Variants in TMEM117 observed in about 807,000 individuals in gnomAD.
The protein encoded by TMEM117 is transmembrane protein 117.
In TMEM117, 27 loss-of-function variants were observed where a neutral mutation model predicts 52.4. That is an observed-to-expected ratio of 0.51 (90% CI 0.38 to 0.71). The LOEUF (loss-of-function observed/expected upper bound fraction) is 0.71. Ranked by LOEUF, TMEM117 falls within the 30% of genes least tolerant of loss-of-function variation. TMEM117 has a pLI of 0.00. For synonymous variants in TMEM117, 215 were observed against 206.3 expected, an observed-to-expected ratio of 1.04 and a Z score of -0.36; for missense variants, 556 against 630.5, an observed-to-expected ratio of 0.88 and a Z score of 1.26.
At chr12:44,031,018 T>C (rs1379672812) in intron 3 of TMEM117, among the ~76,000 whole-genome samples, 1 of 152,196 alleles carries the variant, frequency 6.6e-6, no homozygotes, top group Admixed American at 6.5e-5. Flanking sequence ...AATCTTACCT[T>C]AGGGTCAAAC....
intron 5 of TMEM117, among the ~76,000 whole-genome samples, chr12:44,228,694 G>A (rs1949895376): frequency 6.6e-6 from 1 of 152,082 alleles, no homozygotes; most frequent in South Asian, 2.1e-4. Context: ...CATCCCAAGT[G>A]CAGTATATAG....
At chr12:43,988,901 C>G (rs1945892153) in intron 3 of TMEM117, among the ~76,000 whole-genome samples, 1 of 152,038 alleles carries the variant, frequency 6.6e-6, no homozygotes, top group African/African-American at 2.4e-5. Context: ...TTATAAGCAC[C>G]TTTTCCTTAT....
intron 2 of TMEM117, among the ~76,000 whole-genome samples, chr12:43,914,991 C>T (rs1256699344): frequency 2.0e-5 from 3 of 152,020 alleles, no homozygotes; most frequent in African/African-American, 7.3e-5. Flanking sequence ...CTTGATTTAC[C>T]CAAGAACCCC....
chr12:44,082,267 AT>A (rs895186726), intron 3 of TMEM117, among the ~76,000 whole-genome samples: 37 of 152,030 alleles, frequency 2.4e-4, no homozygotes, highest in African/African-American at 7.9e-4. Flanking sequence ...AATTTTATGG[AT>A]TTCTTAGTCC....
At chr12:44,022,432 G>A (rs984689255) in intron 3 of TMEM117, among the ~76,000 whole-genome samples, 29 of 152,262 alleles carry the variant, frequency 1.9e-4, no homozygotes, top group African/African-American at 5.8e-4. Flanking sequence ...TGTTTTAACC[G>A]TCAAATGAGG....
intron 3 of TMEM117, among the ~76,000 whole-genome samples, chr12:44,050,551 T>A (rs967555450): frequency 6.6e-6 from 1 of 152,220 alleles, no homozygotes; most frequent in Non-Finnish European, 1.5e-5. Context: ...GAAGTTGATA[T>A]GGAGATGAAT....
At chr12:43,800,974 A>G in the TMEM117 span, among the ~76,000 whole-genome samples, 1 of 151,540 alleles carries the variant, frequency 6.6e-6, no homozygotes, top group African/African-American at 2.4e-5. Context: ...CTGGTCTCAA[A>G]CTCCTGACCT....
chr12:44,118,501 T>C (rs1394781338), intron 3 of TMEM117, among the ~76,000 whole-genome samples: 1 of 152,188 alleles, frequency 6.6e-6, no homozygotes, highest in Non-Finnish European at 1.5e-5. Context: ...GGAACAGCAA[T>C]TGTATAATAA....
At chr12:44,137,234 A>G (rs574713793) in intron 3 of TMEM117, among the ~76,000 whole-genome samples, 27 of 152,252 alleles carry the variant, frequency 1.8e-4, no homozygotes, top group African/African-American at 6.5e-4. Context: ...TATTATGACA[A>G]CACTAGGGAA....
intron 3 of TMEM117, among the ~76,000 whole-genome samples, chr12:43,970,108 T>A (rs1945556572): frequency 1.3e-5 from 2 of 152,114 alleles, no homozygotes; most frequent in South Asian, 4.2e-4. Context: ...GTTCAGCATA[T>A]CCACATTGGA....
At chr12:44,357,216 A>G (rs1046988943) in intron 6 of TMEM117, among the ~76,000 whole-genome samples, 1 of 152,104 alleles carries the variant, frequency 6.6e-6, no homozygotes, top group Non-Finnish European at 1.5e-5. Context: ...AGGGGCAGAA[A>G]TAGTTTCTCC....
At chr12:43,928,829 G>C (rs945366099) in intron 2 of TMEM117, among the ~76,000 whole-genome samples, 1 of 149,384 alleles carries the variant, frequency 6.7e-6, no homozygotes, top group African/African-American at 2.5e-5. Context: ...CCACCTATGA[G>C]TGAGAATATG....
Position 44,306,488 on chromosome 12 carries a change from A to G in TMEM117, c.768+6749A>G, listed in dbSNP as rs541893135. On this transcript the variant is annotated intron_variant, in intron 6 of 7. Transcript: ENST00000266534. ...GAATAGAGGAGAGACTATTAAAAAA[A>G]GAAAGTTTCAAAGATCAAGTTTTGG... Among the ~76,000 whole-genome samples, 10 of 152,344 alleles carry G rather than the reference A, an allele frequency of 6.6e-5. No homozygotes were observed. In the East Asian group the frequency reaches 1.3e-3, roughly 21 times the overall value.
In TMEM117 at chr12:44,117,901, A is replaced by T. The variant is rs1948172105; in HGVS notation, c.411-25624A>T. 2.0e-5 allele frequency among the ~76,000 whole-genome samples: 3 copies of T among 152,152 alleles called. No individual in the cohort carries two copies. The South Asian group carries it at 6.2e-4, about 32-fold the overall frequency. On this transcript the variant is annotated intron_variant, in intron 3 of 7. Transcript: ENST00000266534. Reference sequence around the variant, plus strand: ...CTTTGTGTTACCAATTTATTGAGATATATGGACTATCAATTGTTTTGTTTG... The same window carrying T: ...CTTTGTGTTACCAATTTATTGAGATTTATGGACTATCAATTGTTTTGTTTG...
At chr12:44,022,106 T>G (rs957493038) in intron 3 of TMEM117, among the ~76,000 whole-genome samples, 1 of 152,212 alleles carries the variant, frequency 6.6e-6, no homozygotes. Context: ...AATTGTAATT[T>G]GGTTCCTGTT....
chr12:44,294,870 T>C (rs1001778596), intron 5 of TMEM117, among the ~76,000 whole-genome samples: 1 of 152,222 alleles, frequency 6.6e-6, no homozygotes, highest in Non-Finnish European at 1.5e-5. Flanking sequence ...AATTTAAAAC[T>C]TGTGAATTGT....
chr12:44,209,446 C>T (rs772923412), intron 4 of TMEM117, among the ~76,000 whole-genome samples: 9 of 152,160 alleles, frequency 5.9e-5, no homozygotes, highest in East Asian at 1.9e-4. Context: ...AAAAAATCAT[C>T]GATGAACTAG....
intron 2 of TMEM117, among the ~76,000 whole-genome samples, chr12:43,873,992 T>G (rs868139922): frequency 6.6e-6 from 1 of 151,998 alleles, no homozygotes; most frequent in African/African-American, 2.4e-5. Flanking sequence ...TAATCTGAGC[T>G]GAAAAATCCA....
chr12:43,805,720 G>T, the TMEM117 span: 1 of 1,064,320 alleles, frequency 9.4e-7, no homozygotes, highest in Non-Finnish European at 1.3e-6. Context: ...GAGAAAATGC[G>T]GGAGAGTTTT....
Sources: gnomAD v4.1 joint callset for allele counts (sites outside exome capture counted in the v4.1 genomes callset) on GRCh38, gnomAD v4.1.1 for gene constraint, MANE v1.5 for transcripts, NCBI Gene and HGNC (gene_info 2026-07-23, HGNC 2026-07-21) for gene names.